The following NUBP2 variants were observed in gnomAD, a reference collection of about 807,000 sequenced individuals.
NUBP2 encodes NUBP iron-sulfur cluster assembly factor 2, cytosolic.
Under a neutral mutation model 24.9 loss-of-function variants are expected in NUBP2, and 23 were observed. That is an observed-to-expected ratio of 0.92 (90% CI 0.66 to 1.31). The LOEUF (loss-of-function observed/expected upper bound fraction) is 1.31, where lower values mean the gene tolerates loss of function less well. Among genes scored for constraint, NUBP2 ranks in the 50% most tolerant of loss-of-function variants. The probability of loss-of-function intolerance (pLI) is 0.00; values close to 1 mark genes in which losing one functional copy is unlikely to be tolerated. For synonymous variants in NUBP2, 186 were observed against 170.9 expected (o/e 1.09, Z -0.69); for missense variants, 403 against 386.5 (o/e 1.04, Z -0.36).
At chr16:1,786,118 T>C (rs967851481) in intron 1 of NUBP2, 2 of 542,828 alleles carry the variant, frequency 3.7e-6, no homozygotes, top group African/African-American at 4.0e-5. Context: ...CTGCTGCCTC[T>C]GCCGAGCCCA....
intron 1 of NUBP2, 73 bp downstream of exon 1, chr16:1,783,109 G>T: frequency 8.2e-7 from 1 of 1,218,674 alleles, no homozygotes; most frequent in Non-Finnish European, 1.0e-6. Flanking sequence ...TTCCCGGGGC[G>T]GCCTCGCTGC....
intron 1 of NUBP2, chr16:1,786,078 G>A (rs1351390942): frequency 6.0e-6 from 6 of 1,000,500 alleles, no homozygotes; most frequent in East Asian, 1.3e-4. Context: ...GTGTGACAAC[G>A]CGTGGTTGTT....
chr16:1,788,570 C>T lies in NUBP2; in HGVS notation c.672C>T (p.Gly224=), dbSNP rs1205435058. 6.2e-7 allele frequency: 1 copy of T among 1,602,816 alleles called. No homozygotes were observed. The highest frequency in any genetic ancestry group is 1.1e-5 in the South Asian group (1 of 90,182). The change falls in exon 7 of 7, where the codon GGC becomes GGT. Residue 224 remains glycine, a splice_region_variant and synonymous_variant. Transcript: ENST00000262302. ...CACCGCCTCCACTGTGCCCTGCAGGCTCCGTGCCCCTGGACCCTGCGCTCA... is the reference window on the plus strand; with the variant it reads ...CACCGCCTCCACTGTGCCCTGCAGGTTCCGTGCCCCTGGACCCTGCGCTCA... ...LAQLAGVPFL[G]SVPLDPALMR...
In NUBP2 at chr16:1,783,015, G is replaced by A. The variant is rs995947832; in HGVS notation, c.-6G>A. ...ACTGCAGCCGCGAGCTCCTGGAGGC[G>A]GCGGGATGGAGGCGGCGGCCGGTGA... On this transcript the variant is annotated 5_prime_UTR_variant, in exon 1 of 7. Coordinates refer to ENST00000262302, the MANE Select transcript of NUBP2 (RefSeq NM_012225.4). The A allele has an allele frequency of 1.4e-5, 19 of 1,388,872 alleles. No individual in the cohort carries two copies. The highest frequency in any genetic ancestry group is 1.8e-4 in the Middle Eastern group (1 of 5,442). The allele number at this position is 1,388,872 out of a possible 1,614,324, so 86.0% of individuals were successfully genotyped here. A position where few individuals can be genotyped will look rare whatever the true frequency, so the allele number is the denominator to read the frequency against.
chr16:1,787,425 C>T, intron 3 of NUBP2: 1 of 569,494 alleles, frequency 1.8e-6, no homozygotes, highest in East Asian at 2.9e-5. Flanking sequence ...TGATTTGGGG[C>T]CTCGGGGAGT....
Position 1,788,689 on chromosome 16 carries a change from A to G in NUBP2, c.791A>G (p.Asp264Gly), listed in dbSNP as rs759634129. 1 of 1,612,006 alleles carries G rather than the reference A, an allele frequency of 6.2e-7. No homozygotes were observed. The highest frequency in any genetic ancestry group is 1.3e-5 in the African/African-American group (1 of 75,050). ...ACCTCCATAGCCCAGAAGATTCTGG[A>G]CGCGACGCCCGCGTGCCTCCCCTGA... ...ALTSIAQKILDATPACLP is the reference protein window; with the variant it reads ...ALTSIAQKILGATPACLP The change falls in exon 7 of 7, where the codon GAC becomes GGC. Residue 264 changes from aspartate (D) to glycine (G), a missense_variant. By Grantham distance (94) the Asp-to-Gly change is moderately conservative. Coordinates refer to ENST00000262302, the MANE Select transcript of NUBP2 (RefSeq NM_012225.4).
chr16:1,785,434 C>G, intron 1 of NUBP2: 2 of 1,181,902 alleles, frequency 1.7e-6, no homozygotes, highest in South Asian at 1.6e-5. Context: ...TGGGGGTTAA[C>G]ACTGCCGCTG....
intron 6 of NUBP2, 149 bp downstream of exon 6, chr16:1,788,356 G>A (rs1422018161): frequency 1.8e-6 from 2 of 1,086,118 alleles, no homozygotes; most frequent in Admixed American, 6.2e-5. Flanking sequence ...CCATGCCGCT[G>A]AGACCTGCAG....
chr16:1,783,230 T>C, intron 1 of NUBP2, 194 bp downstream of exon 1: 2 of 1,164,374 alleles, frequency 1.7e-6, no homozygotes, highest in Non-Finnish European at 2.1e-6. Flanking sequence ...CCTGCTTCGA[T>C]GTGGAAGCTC....
intron 1 of NUBP2, chr16:1,783,536 G>A (rs1178731681): frequency 1.0e-6 from 1 of 982,548 alleles, no homozygotes; most frequent in Non-Finnish European, 1.2e-6. Flanking sequence ...ATTCACACCA[G>A]TGGGGACGAT....
chr16:1,787,503 C>A lies in NUBP2; in HGVS notation c.335-174C>A, dbSNP rs575930260. On this transcript the variant is annotated intron_variant, in intron 3 of 6. Transcript: ENST00000262302. ...GACGCTGTAATGGCCCCGGCCCCATCTTTGCACTCCTGCAGCGGGCCAGGG... is the reference window on the plus strand; with the variant it reads ...GACGCTGTAATGGCCCCGGCCCCATATTTGCACTCCTGCAGCGGGCCAGGG... 4.8e-6 allele frequency: 4 copies of A among 839,566 alleles called. No individual in the cohort carries two copies. In the South Asian group the frequency reaches 6.5e-5, roughly 14 times the overall value. 52.0% of individuals were successfully genotyped at this position (839,566 alleles called of 1,614,324 possible).
chr16:1,786,048 C>T lies in NUBP2; in HGVS notation c.17-489C>T, dbSNP rs567243803. 5.1e-5 allele frequency: 58 copies of T among 1,136,644 alleles called. No homozygotes were observed. In the African/African-American group the frequency reaches 6.7e-4, roughly 13 times the overall value. The allele number at this position is 1,136,644 out of a possible 1,614,324, so 70.4% of individuals were successfully genotyped here. Reference sequence around the variant, plus strand: ...CTCACTTACCGCACATTGCAGGGACCGAGAGCCGGGGACGCTGGTGTGTGA... The same window carrying T: ...CTCACTTACCGCACATTGCAGGGACTGAGAGCCGGGGACGCTGGTGTGTGA... On this transcript the variant is annotated intron_variant, in intron 1 of 6. Transcript: ENST00000262302.
At position 1,788,562 on chromosome 16, in the gene NUBP2, C is replaced by T. The variant is rs545070815; in HGVS notation, c.671-7C>T. ...CATGGCGCCACCGCCTCCACTGTGC[C>T]CTGCAGGCTCCGTGCCCCTGGACCC... On this transcript the variant is annotated splice_polypyrimidine_tract_variant and splice_region_variant and intron_variant, in intron 6 of 6. Coordinates refer to ENST00000262302, the MANE Select transcript of NUBP2 (RefSeq NM_012225.4). 6.3e-7 allele frequency: 1 copy of T among 1,599,732 alleles called. No homozygotes were observed. The highest frequency in any genetic ancestry group is 1.3e-5 in the African/African-American group (1 of 74,820).
intron 6 of NUBP2, 90 bp downstream of exon 6, chr16:1,788,297 G>A (rs1179739289): frequency 1.6e-6 from 2 of 1,266,796 alleles, no homozygotes; most frequent in African/African-American, 1.5e-5. Flanking sequence ...AGTGCCCAAG[G>A]GAGAGGAGGG....
At position 1,788,723 on chromosome 16, in the gene NUBP2, A is replaced by G. The variant is rs1897118096; in HGVS notation, c.*9A>G. 2 of 1,604,846 alleles carry G rather than the reference A, an allele frequency of 1.2e-6. No individual in the cohort carries two copies. Among genetic ancestry groups the G allele is most frequent in the East Asian group, 2.2e-5 (1 of 44,718 alleles). ...CCGCGTGCCTCCCCTGACTAAGGCC[A>G]CCTTGCAGCCGCTTTCCAGGGCCAC... On this transcript the variant is annotated 3_prime_UTR_variant, in exon 7 of 7. Transcript: ENST00000262302.
intron 1 of NUBP2, chr16:1,786,057 G>T (rs1896951300): frequency 9.0e-7 from 1 of 1,113,530 alleles, no homozygotes; most frequent in Admixed American, 3.8e-5. Context: ...CCGAGAGCCG[G>T]GGACGCTGGT....
Position 1,788,429 on chromosome 16 carries a change from C to G in NUBP2, c.671-140C>G, listed in dbSNP as rs1172648033. The stretch of plus-strand genomic sequence containing the variant: ...GGCAGGACCCAGCCTGCTGGGAGGG[C>G]CGCGGGTCTGGAGGTGGAAATCGTC... On this transcript the variant is annotated intron_variant, in intron 6 of 6. Transcript: ENST00000262302. 5 of 1,316,880 alleles carry G rather than the reference C, an allele frequency of 3.8e-6. No homozygotes were observed. The African/African-American group carries it at 7.5e-5, about 20-fold the overall frequency. The allele number at this position is 1,316,880 out of a possible 1,614,324, so 81.6% of individuals were successfully genotyped here.
intron 5 of NUBP2, 22 bp downstream of exon 5, chr16:1,788,073 G>C (rs764956000): frequency 1.3e-6 from 2 of 1,570,976 alleles, no homozygotes; most frequent in Non-Finnish European, 1.7e-6. Context: ...GGGTTGCAGA[G>C]GGGGCGAGGC....
At chr16:1,784,279 G>T (rs1049749203) in intron 1 of NUBP2, among the ~76,000 whole-genome samples, 60 of 152,096 alleles carry the variant, frequency 3.9e-4, no homozygotes, top group Admixed American at 3.9e-3. Context: ...TAGACATGGG[G>T]TCTGAATACG....
Sources: allele counts gnomAD v4.1 joint callset (sites outside exome capture counted in the v4.1 genomes callset), GRCh38; gene constraint gnomAD v4.1.1; transcripts MANE v1.5; gene names NCBI Gene and HGNC (gene_info 2026-07-23, HGNC 2026-07-21).